Variants in MYO1E observed in about 807,000 individuals in gnomAD.
MYO1E encodes unconventional myosin-Ie.
Under a neutral mutation model 151.1 loss-of-function variants are expected in MYO1E, and 68 were observed. The observed-to-expected ratio is 0.45, with a 90% CI of 0.37 to 0.55. The LOEUF (loss-of-function observed/expected upper bound fraction) is 0.55, where lower values mean the gene tolerates loss of function less well. Ranked by LOEUF, MYO1E falls within the 20% of genes least tolerant of loss-of-function variation. The probability of loss-of-function intolerance (pLI) is 0.00; values close to 1 mark genes in which losing one functional copy is unlikely to be tolerated. For synonymous variants in MYO1E, 601 were observed against 501.7 expected (o/e 1.20, Z -2.64); for missense variants, 1,363 against 1,389.3 (o/e 0.98, Z 0.30).
chr15:59,279,519 T>C (rs1370158842), intron 1 of MYO1E, among the ~76,000 whole-genome samples: 2 of 152,154 alleles, frequency 1.3e-5, no homozygotes, highest in African/African-American at 4.8e-5. Flanking sequence ...CAAGACCCTG[T>C]GCCACTTAGC....
intron 8 of MYO1E, among the ~76,000 whole-genome samples, chr15:59,224,334 T>C (rs532272862): frequency 2.5e-4 from 38 of 152,298 alleles, no homozygotes; most frequent in African/African-American, 8.4e-4. Context: ...ATTCAGTCCA[T>C]AGACGTGCGG....
chr15:59,237,420 A>G (rs150485147), intron 4 of MYO1E, among the ~76,000 whole-genome samples: 2 of 152,344 alleles, frequency 1.3e-5, no homozygotes, highest in East Asian at 3.9e-4. Flanking sequence ...TGTTAATAAT[A>G]TATAGTCTGC....
At chr15:59,223,228 T>G (rs754551949) in intron 8 of MYO1E, 37 bp from the exon 9 acceptor site, 1 of 1,613,004 alleles carries the variant, frequency 6.2e-7, no homozygotes, top group African/African-American at 1.3e-5. Context: ...GAGAAGCTGG[T>G]CACCAGCTTT....
chr15:59,238,636 A>G (rs1263116358), intron 4 of MYO1E, among the ~76,000 whole-genome samples: 1 of 152,134 alleles, frequency 6.6e-6, no homozygotes, highest in African/African-American at 2.4e-5. Flanking sequence ...CAGTGGCACA[A>G]TCTTGGCTCA....
At chr15:59,327,725 T>C (rs758771054) in intron 1 of MYO1E, among the ~76,000 whole-genome samples, 1 of 152,096 alleles carries the variant, frequency 6.6e-6, no homozygotes, top group African/African-American at 2.4e-5. Context: ...GAGAATTGCC[T>C]CTCCAGCTCG....
chr15:59,179,946 G>A (rs1441643917), intron 18 of MYO1E, among the ~76,000 whole-genome samples: 2 of 152,256 alleles, frequency 1.3e-5, no homozygotes, highest in African/African-American at 4.8e-5. Context: ...CCCAGGCCTT[G>A]AGCGAAGCCA....
chr15:59,257,932 T>G (rs902363947), intron 3 of MYO1E, among the ~76,000 whole-genome samples: 11 of 152,108 alleles, frequency 7.2e-5, no homozygotes, highest in Non-Finnish European at 1.5e-4. Context: ...TTTAACAGAG[T>G]TTAACTGAGC....
At chr15:59,197,410 TTA>T (rs2079774456) in intron 16 of MYO1E, among the ~76,000 whole-genome samples, 1 of 152,210 alleles carries the variant, frequency 6.6e-6, no homozygotes, top group South Asian at 2.1e-4. Context: ...TAACTTAAGT[TTA>T]TAAGTCACTT....
intron 6 of MYO1E, among the ~76,000 whole-genome samples, chr15:59,229,075 A>C (rs2080009165): frequency 6.6e-6 from 1 of 152,166 alleles, no homozygotes; most frequent in African/African-American, 2.4e-5. Flanking sequence ...TTTGGCGGCC[A>C]CCTTCACCAC....
intron 26 of MYO1E, among the ~76,000 whole-genome samples, chr15:59,139,879 A>G (rs1365838270): frequency 8.0e-6 from 1 of 124,694 alleles, no homozygotes; most frequent in African/African-American, 3.1e-5. Context: ...ATTAATCCAC[A>G]GACTTCCCTC....
At chr15:59,252,297 G>A (rs538375388) in intron 4 of MYO1E, among the ~76,000 whole-genome samples, 31 of 152,184 alleles carry the variant, frequency 2.0e-4, no homozygotes, top group African/African-American at 7.5e-4. Flanking sequence ...ATGAACCAAG[G>A]CCTAGCGGGG....
intron 18 of MYO1E, among the ~76,000 whole-genome samples, chr15:59,183,905 A>C (rs566265689): frequency 6.6e-6 from 1 of 152,102 alleles, no homozygotes; most frequent in East Asian, 1.9e-4. Context: ...TTTAATTTTT[A>C]GCTCCCACAA....
intron 26 of MYO1E, among the ~76,000 whole-genome samples, chr15:59,139,904 A>C (rs550981470): frequency 0.029 from 7 of 242 alleles, no homozygotes; most frequent in African/African-American, 0.081. Flanking sequence ...TTTATCAATC[A>C]GTTATTACTC....
intron 10 of MYO1E, among the ~76,000 whole-genome samples, chr15:59,217,654 G>A (rs930344976): frequency 8.9e-5 from 13 of 146,334 alleles, no homozygotes; most frequent in Admixed American, 8.6e-4. Context: ...AGCCTCCTGA[G>A]TAGCTGGGAC....
intron 23 of MYO1E, 67 bp downstream of exon 23, chr15:59,163,090 C>G: frequency 6.4e-7 from 1 of 1,568,062 alleles, no homozygotes; most frequent in Non-Finnish European, 8.7e-7. Context: ...CATCCTGAAT[C>G]GCAGGGGTGC....
rs763258453 is a variant in MYO1E at position 59,178,544 on chromosome 15, G to A, written c.1905-7C>T. On this transcript the variant is annotated splice_polypyrimidine_tract_variant and splice_region_variant and intron_variant, in intron 18 of 27. Transcript: ENST00000288235. ...TTTGGTCAGAATGGCATACCTGTGG[G>A]GACATTGGGGAGAAGAGAATCACAC... 6.2e-7 allele frequency: 1 copy of A among 1,613,818 alleles called. No individual in the cohort carries two copies. The highest frequency in any genetic ancestry group is 8.5e-7 in the Non-Finnish European group (1 of 1,179,772).
At chr15:59,333,228 T>C (rs1461629664) in intron 1 of MYO1E, among the ~76,000 whole-genome samples, 1 of 152,132 alleles carries the variant, frequency 6.6e-6, no homozygotes, top group African/African-American at 2.4e-5. Context: ...CATCACTATC[T>C]ACTTTCTTTC....
intron 9 of MYO1E, among the ~76,000 whole-genome samples, chr15:59,218,724 G>C (rs1335411800): frequency 6.6e-6 from 1 of 152,202 alleles, no homozygotes; most frequent in African/African-American, 2.4e-5. Context: ...AGACAGACAA[G>C]ATCTGGAGAA....
Position 59,236,622 on chromosome 15 carries a change from T to C in MYO1E, c.383A>G (p.Tyr128Cys). 4 of 1,613,994 alleles carry C rather than the reference T, an allele frequency of 2.5e-6. No individual in the cohort carries two copies. The highest frequency in any genetic ancestry group is 3.4e-6 in the Non-Finnish European group (4 of 1,179,932). ...CCCTCCTCCAGACACTCTGGAGATG[T>C]AGCTCATGATATATTTGGCAGCCAC... ...KTVAAKYIMS[Y>C]ISRVSGGGTK... The change falls in exon 5 of 28, where the codon TAC (tyrosine) becomes TGC (cysteine). Residue 128 changes from tyrosine (Y) to cysteine (C), a missense_variant. Coordinates refer to ENST00000288235, the MANE Select transcript of MYO1E (RefSeq NM_004998.4).
Sources: gnomAD v4.1 joint callset for allele counts (sites outside exome capture counted in the v4.1 genomes callset) on GRCh38, gnomAD v4.1.1 for gene constraint, MANE v1.5 for transcripts, NCBI Gene and HGNC (gene_info 2026-07-23, HGNC 2026-07-21) for gene names.